The following TMEM255B variants were observed in gnomAD, a reference collection of about 807,000 sequenced individuals.
TMEM255B encodes the protein transmembrane protein 255B, also known as family with sequence similarity 70, member B.
A neutral mutation model predicts 34.5 loss-of-function variants in TMEM255B; 35 were observed. That is an observed-to-expected ratio of 1.01 (90% confidence interval 0.77 to 1.34). The LOEUF is 1.34. TMEM255B is among the 40% of genes most tolerant of loss of function. The probability of loss-of-function intolerance (pLI) is 0.00; values close to 1 mark genes in which losing one functional copy is unlikely to be tolerated. For synonymous variants in TMEM255B, 206 were observed against 201.2 expected (o/e 1.02, Z -0.20); for missense variants, 432 against 433.2 (o/e 1.00, Z 0.02).
intron 4 of TMEM255B, among the ~76,000 whole-genome samples, chr13:113,796,919 G>A (rs771009892): frequency 2.6e-5 from 4 of 152,040 alleles, no homozygotes; most frequent in Admixed American, 1.3e-4. Flanking sequence ...GCGTGCGCAC[G>A]CATGCACACA....
At chr13:113,800,736 C>T in intron 5 of TMEM255B, 91 bp from the exon 6 acceptor site, 1 of 1,279,362 alleles carries the variant, frequency 7.8e-7, no homozygotes, top group South Asian at 1.3e-5. Context: ...TCAGTGGCCG[C>T]TCCCAGCTCC....
intron 8 of TMEM255B, among the ~76,000 whole-genome samples, chr13:113,811,217 G>A (rs1377164986): frequency 7.8e-6 from 1 of 128,114 alleles, no homozygotes; most frequent in Non-Finnish European, 1.7e-5. Flanking sequence ...GGATCTGTGG[G>A]GGGGGCCGGT....
At position 113,812,047 on chromosome 13, in the gene TMEM255B, C is replaced by CACTGGTGAGG. The variant is rs2051323255; in HGVS notation, c.*145_*154dup. 2 of 1,104,768 alleles carry CACTGGTGAGG rather than the reference C, an allele frequency of 1.8e-6. No individual in the cohort carries two copies. Among genetic ancestry groups the CACTGGTGAGG allele is most frequent in the Non-Finnish European group, 2.6e-6 (2 of 778,270 alleles). The allele number at this position is 1,104,768 out of a possible 1,614,324, so 68.4% of individuals were successfully genotyped here. A position where few individuals can be genotyped will look rare whatever the true frequency, so the allele number is the denominator to read the frequency against. On this transcript the variant is annotated 3_prime_UTR_variant, in exon 9 of 9. Coordinates refer to ENST00000375353, the MANE Select transcript of TMEM255B (RefSeq NM_182614.4). ...TGTCCCCTCCTTTCCTCCCTGGGCA[C>CACTGGTGAGG]ACTGGTGAGGGAGGCTGGAACCAGG...
At chr13:113,765,824 A>G (rs2050378796) in intron 1 of TMEM255B, among the ~76,000 whole-genome samples, 1 of 152,238 alleles carries the variant, frequency 6.6e-6, no homozygotes, top group Non-Finnish European at 1.5e-5. Flanking sequence ...ATAGAGGAAG[A>G]GGCAGCCAAT....
intron 5 of TMEM255B, chr13:113,800,058 G>A (rs2051014831): frequency 3.3e-6 from 4 of 1,204,412 alleles, no homozygotes; most frequent in South Asian, 1.5e-5. Flanking sequence ...GCTGCCGGGA[G>A]GCATCGTGTG....
At chr13:113,799,962 C>T in intron 5 of TMEM255B, 2 of 1,284,548 alleles carry the variant, frequency 1.6e-6, no homozygotes, top group African/African-American at 1.5e-5. Flanking sequence ...CGCAGCCTCT[C>T]ATCCTCAGCA....
At chr13:113,774,573 G>GAC (rs147427955) in intron 3 of TMEM255B, among the ~76,000 whole-genome samples, 1 of 136,368 alleles carries the variant, frequency 7.3e-6, no homozygotes, top group Non-Finnish European at 1.6e-5. Flanking sequence ...CAACACACAT[G>GAC]ACACACACAC....
chr13:113,781,362 A>G (rs1311440155), intron 3 of TMEM255B, among the ~76,000 whole-genome samples: 1 of 152,218 alleles, frequency 6.6e-6, no homozygotes, highest in East Asian at 1.9e-4. Context: ...TTTTTATTTT[A>G]TCCAACTTAA....
chr13:113,816,832 C>G lies in TMEM255B; in HGVS notation c.*4929C>G, dbSNP rs774305803. On this transcript the variant is annotated 3_prime_UTR_variant, in exon 9 of 9. Coordinates refer to ENST00000375353, the MANE Select transcript of TMEM255B (RefSeq NM_182614.4). Reference sequence around the variant, plus strand: ...AAGGGCACCATGGAGCGGACCCTCCCCCTCTCCCCTCGTGGAGTCCTTGAC... The same window carrying G: ...AAGGGCACCATGGAGCGGACCCTCCGCCTCTCCCCTCGTGGAGTCCTTGAC... 2.6e-5 allele frequency: 4 copies of G among 152,244 alleles called. No individual in the cohort carries two copies. Among genetic ancestry groups the G allele is most frequent in the Non-Finnish European group, 5.9e-5 (4 of 68,086 alleles). 9.4% of individuals were successfully genotyped at this position (152,244 alleles called of 1,614,324 possible).
At chr13:113,767,680 C>T (rs1002779031) in intron 2 of TMEM255B, among the ~76,000 whole-genome samples, 1 of 152,166 alleles carries the variant, frequency 6.6e-6, no homozygotes, top group Non-Finnish European at 1.5e-5. Flanking sequence ...AGGGAGACAA[C>T]AAATAAAAGC....
At chr13:113,793,661 C>T (rs1216032228) in intron 3 of TMEM255B, among the ~76,000 whole-genome samples, 1 of 152,254 alleles carries the variant, frequency 6.6e-6, no homozygotes, top group Non-Finnish European at 1.5e-5. Context: ...AGCGTGGGCT[C>T]ACCAGGAAGC....
intron 3 of TMEM255B, among the ~76,000 whole-genome samples, chr13:113,782,605 A>G (rs2050680279): frequency 6.7e-6 from 1 of 148,668 alleles, no homozygotes; most frequent in Admixed American, 6.8e-5. Flanking sequence ...ATGGGGGCGC[A>G]GGATCCGGGC....
chr13:113,800,343 T>TGTGTGTGTGTGTG (rs1555367611), intron 5 of TMEM255B, among the ~76,000 whole-genome samples: 4 of 72,204 alleles, frequency 5.5e-5, no homozygotes, highest in African/African-American at 2.3e-4. Flanking sequence ...GTGTGTGTGT[T>TGTGTGTGTGTGTG]GGGGGGTGTC....
chr13:113,763,829 A>G (rs371171475), intron 1 of TMEM255B, among the ~76,000 whole-genome samples: 11 of 152,316 alleles, frequency 7.2e-5, no homozygotes, highest in African/African-American at 2.4e-4. Flanking sequence ...TTCCAGTCCA[A>G]CGAGGGTTGG....
intron 3 of TMEM255B, among the ~76,000 whole-genome samples, chr13:113,774,256 C>T (rs939287921): frequency 1.3e-5 from 2 of 152,136 alleles, no homozygotes; most frequent in African/African-American, 4.8e-5. Context: ...ATTATCCCTA[C>T]CCATTATCAT....
intron 3 of TMEM255B, among the ~76,000 whole-genome samples, chr13:113,772,322 G>A (rs770702793): frequency 1.3e-5 from 2 of 152,106 alleles, no homozygotes; most frequent in Non-Finnish European, 2.9e-5. Context: ...GTCCTTTGAG[G>A]CACAAAAGTT....
chr13:113,810,997 G>C (rs981462417), intron 8 of TMEM255B, among the ~76,000 whole-genome samples: 4 of 152,106 alleles, frequency 2.6e-5, no homozygotes, highest in Admixed American at 6.5e-5. Context: ...GTGAGGAAGT[G>C]GGATGTGGTC....
intron 1 of TMEM255B, among the ~76,000 whole-genome samples, chr13:113,764,548 C>G (rs1457231578): frequency 6.6e-6 from 1 of 152,296 alleles, no homozygotes; most frequent in East Asian, 1.9e-4. Flanking sequence ...AGGGAAGGCT[C>G]TGCCCTCTGC....
At chr13:113,800,097 G>GC in intron 5 of TMEM255B, 1 of 1,125,648 alleles carries the variant, frequency 8.9e-7, no homozygotes, top group South Asian at 1.7e-5. Flanking sequence ...TGTGTGTGTG[G>GC]GGGGGGGTAG....
Sources: allele counts gnomAD v4.1 joint callset (sites outside exome capture counted in the v4.1 genomes callset), GRCh38; gene constraint gnomAD v4.1.1; transcripts MANE v1.5; gene names NCBI Gene and HGNC (gene_info 2026-07-23, HGNC 2026-07-21).